Variants in KCNIP1 observed in about 807,000 individuals in gnomAD.
KCNIP1 encodes the protein A-type potassium channel modulatory protein KCNIP1.
KCNIP1 carries 18 observed loss-of-function variants against 33.0 expected under a neutral mutation model. That is an observed-to-expected ratio of 0.55 (90% CI 0.38 to 0.81). KCNIP1 has a LOEUF of 0.81. KCNIP1 is among the 30% of genes least tolerant of loss of function. KCNIP1 has a pLI of 0.00. For synonymous variants in KCNIP1, 93 were observed against 98.3 expected, an observed-to-expected ratio of 0.95 and a Z score of 0.32; for missense variants, 238 against 271.6, an observed-to-expected ratio of 0.88 and a Z score of 0.87.
At chr5:170,467,915 C>T (rs60989945) in intron 1 of KCNIP1, among the ~76,000 whole-genome samples, 1 of 78,472 alleles carries the variant, frequency 1.3e-5, no homozygotes, top group Non-Finnish European at 2.2e-5. Context: ...CAGATTCCAT[C>T]TCAAAAAAAA....
intron 1 of KCNIP1, among the ~76,000 whole-genome samples, chr5:170,494,484 C>T (rs527331800): frequency 1.5e-4 from 23 of 152,162 alleles, no homozygotes; most frequent in South Asian, 8.3e-4. Context: ...GGAAGAGGTT[C>T]CCACAGGCAC....
intron 1 of KCNIP1, chr5:170,681,380 G>A: frequency 2.8e-6 from 1 of 363,420 alleles, no homozygotes; most frequent in East Asian, 4.0e-5. Context: ...GAAATGTGGT[G>A]CGCCTGGGGA....
intron 1 of KCNIP1, among the ~76,000 whole-genome samples, chr5:170,416,704 C>A (rs1755340322): frequency 8.6e-6 from 1 of 116,612 alleles, no homozygotes; most frequent in South Asian, 2.8e-4. Flanking sequence ...CCATTTCCTG[C>A]CTAGAAAAAA....
intron 1 of KCNIP1, chr5:170,712,917 G>T (rs2113858562): frequency 6.3e-7 from 1 of 1,591,682 alleles, no homozygotes; most frequent in Admixed American, 1.7e-5. Flanking sequence ...ACCTGACTTT[G>T]GTCACATGAC....
At chr5:170,721,549 CTG>C (rs1321792268) in intron 3 of KCNIP1, among the ~76,000 whole-genome samples, 1 of 152,144 alleles carries the variant, frequency 6.6e-6, no homozygotes. Flanking sequence ...CATGCAGTCA[CTG>C]TGCCATTCAT....
upstream of KCNIP1, among the ~76,000 whole-genome samples, chr5:170,499,571 C>T (rs74749992): frequency 6.2e-4 from 95 of 152,332 alleles, no homozygotes; most frequent in African/African-American, 2.1e-3. Flanking sequence ...TTCTAGCAGC[C>T]TCCCAAATTA....
chr5:170,472,100 C>T (rs1341392077), intron 1 of KCNIP1, among the ~76,000 whole-genome samples: 1 of 152,120 alleles, frequency 6.6e-6, no homozygotes, highest in Non-Finnish European at 1.5e-5. Context: ...GAATGAGCAC[C>T]AAACATGGAG....
At chr5:170,517,170 C>T (rs11741655) in intron 1 of KCNIP1, among the ~76,000 whole-genome samples, 49,483 of 151,980 alleles carry the variant, frequency 0.33, 8,136 homozygotes, top group East Asian at 0.43. Flanking sequence ...AAACTTACAA[C>T]TGTGGCAGAA....
intron 1 of KCNIP1, among the ~76,000 whole-genome samples, chr5:170,588,831 A>T (rs1030886923): frequency 2.6e-5 from 4 of 152,082 alleles, no homozygotes; most frequent in Admixed American, 6.5e-5. Context: ...ATCCAGGCCT[A>T]GGACTTAGAC....
intron 3 of KCNIP1, 181 bp from the exon 4 acceptor site, chr5:170,721,652 G>T: frequency 4.6e-6 from 6 of 1,299,522 alleles, no homozygotes; most frequent in Non-Finnish European, 6.5e-6. Flanking sequence ...CTTTTTGCTA[G>T]ATCTAACTTC....
intron 1 of KCNIP1, among the ~76,000 whole-genome samples, chr5:170,492,159 G>T (rs752892742): frequency 2.1e-4 from 32 of 152,190 alleles, no homozygotes; most frequent in Non-Finnish European, 4.6e-4. Context: ...CCAGTGGCCA[G>T]TCTCAGACCC....
chr5:170,689,743 C>T (rs1441100781), intron 1 of KCNIP1, among the ~76,000 whole-genome samples: 1 of 152,172 alleles, frequency 6.6e-6, no homozygotes, highest in East Asian at 1.9e-4. Context: ...CAGGAAAAGA[C>T]AAGACATTTG....
At chr5:170,726,949 C>T (rs957757393) in intron 5 of KCNIP1, among the ~76,000 whole-genome samples, 3 of 78,744 alleles carry the variant, frequency 3.8e-5, no homozygotes, top group Admixed American at 1.6e-4. Flanking sequence ...AGTCCCACTC[C>T]TGGATATTTA....
At chr5:170,497,414 C>T (rs1465556682) in intron 1 of KCNIP1, among the ~76,000 whole-genome samples, 1 of 152,262 alleles carries the variant, frequency 6.6e-6, no homozygotes, top group East Asian at 1.9e-4. Context: ...GGATAAAATC[C>T]TTTACCATAA....
chr5:170,517,637 G>T (rs1303973858), intron 1 of KCNIP1, among the ~76,000 whole-genome samples: 1 of 151,376 alleles, frequency 6.6e-6, no homozygotes, highest in Non-Finnish European at 1.5e-5. Flanking sequence ...TGGTGATATG[G>T]TAGTATGACA....
At chr5:170,648,667 A>G (rs1760890253) in intron 1 of KCNIP1, among the ~76,000 whole-genome samples, 1 of 152,232 alleles carries the variant, frequency 6.6e-6, no homozygotes, top group Non-Finnish European at 1.5e-5. Flanking sequence ...ACAGTTCTGT[A>G]TGCTACTACA....
At chr5:170,720,717 G>A (rs1236650095) in intron 3 of KCNIP1, among the ~76,000 whole-genome samples, 3 of 152,242 alleles carry the variant, frequency 2.0e-5, no homozygotes, top group African/African-American at 7.2e-5. Context: ...AGATTGCACA[G>A]CTGGTGAGTA....
chr5:170,550,975 C>T (rs567236622), intron 1 of KCNIP1, among the ~76,000 whole-genome samples: 7 of 152,332 alleles, frequency 4.6e-5, no homozygotes, highest in Non-Finnish European at 8.8e-5. Context: ...CAACAGCCCC[C>T]TCATCTCATT....
intron 5 of KCNIP1, among the ~76,000 whole-genome samples, chr5:170,726,745 C>CAAAAAAAAA (rs57173351): frequency 3.1e-3 from 178 of 56,568 alleles, no homozygotes; most frequent in African/African-American, 3.6e-3. Flanking sequence ...ACTAAAAATA[C>CAAAAAAAAA]AAAAAAAAAA....
Sources: gnomAD v4.1 joint callset for allele counts (sites outside exome capture counted in the v4.1 genomes callset) on GRCh38, gnomAD v4.1.1 for gene constraint, MANE v1.5 for transcripts, NCBI Gene and HGNC (gene_info 2026-07-23, HGNC 2026-07-21) for gene names.